The following DAPK1 variants were observed in gnomAD, a reference collection of about 807,000 sequenced individuals.
DAPK1 encodes the protein death associated protein kinase 1.
In DAPK1, 56 loss-of-function variants were observed where a neutral mutation model predicts 144.9. That is an observed-to-expected ratio of 0.39 (90% CI 0.31 to 0.48). DAPK1 has a LOEUF of 0.48. Among genes scored for constraint, DAPK1 ranks in the 20% least tolerant of loss-of-function variants. DAPK1 has a pLI of 0.95. For missense variants in DAPK1, 1,454 were observed against 1,875.4 expected, an observed-to-expected ratio of 0.78 and a Z score of 4.15; for synonymous variants, 690 against 749.0, an observed-to-expected ratio of 0.92 and a Z score of 1.29.
intron 2 of DAPK1, among the ~76,000 whole-genome samples, chr9:87,558,704 G>C (rs1826802841): frequency 6.6e-6 from 1 of 152,232 alleles, no homozygotes; most frequent in Admixed American, 6.5e-5. Context: ...CCTGTCTGCA[G>C]ACCCCTTCAT....
rs1433401275 is a variant in DAPK1, at chr9:87,707,303, A to G, written c.4232A>G (p.Tyr1411Cys). Residue 1411 changes from tyrosine (Y) to cysteine (C), a missense_variant, in exon 26 of 26, where the codon TAT becomes TGT. Around this residue, in one of 2 missense-constraint regions of DAPK1, gnomAD observed 1,025 missense variants for 1,237.9 expected, o/e 0.83. Transcript: ENST00000408954. The surrounding 1 kb of genome is among the most constrained non-coding windows in gnomAD (Gnocchi z 4.0). ...INLDGNGQEA[Y>C]ASSCNSGTSY... is the part of the protein sequence containing the mutation. ...CTGGATGGCAATGGCCAGGAGGCCT[A>G]TGCCTCGAGCTGCAACAGCGGCACC... is the stretch of plus-strand genomic sequence containing the variant. The G allele has an allele frequency of 7.4e-6, 12 of 1,612,306 alleles. No homozygotes were observed. The highest frequency in any genetic ancestry group is 1.1e-5 in the South Asian group (1 of 90,954).
At chr9:87,593,844 C>T (rs1012612642) in intron 2 of DAPK1, among the ~76,000 whole-genome samples, 7 of 152,174 alleles carry the variant, frequency 4.6e-5, no homozygotes, top group African/African-American at 1.7e-4. Context: ...AAGGGGATTA[C>T]ATGACAAAGT....
At chr9:87,596,940 T>C (rs773105432) in intron 2 of DAPK1, among the ~76,000 whole-genome samples, 15 of 152,258 alleles carry the variant, frequency 9.9e-5, no homozygotes, top group Non-Finnish European at 1.6e-4. Flanking sequence ...TGGCTGGACC[T>C]ATAGCCATCT....
At chr9:87,688,349 C>T (rs185229334) in intron 21 of DAPK1, among the ~76,000 whole-genome samples, 1 of 152,066 alleles carries the variant, frequency 6.6e-6, no homozygotes, top group Non-Finnish European at 1.5e-5. Context: ...CATTGATGGG[C>T]GCCTAGGTTG....
intron 2 of DAPK1, among the ~76,000 whole-genome samples, chr9:87,535,898 T>G (rs185705919): frequency 1.3e-4 from 20 of 152,330 alleles, no homozygotes; most frequent in Non-Finnish European, 2.5e-4. Context: ...GAGGATTACA[T>G]CTGGGTGCTT....
At position 87,686,188 on chromosome 9, in the gene DAPK1, G is replaced by A. The variant is rs546271503; in HGVS notation, c.2225-363G>A. On this transcript the variant is annotated intron_variant, in intron 20 of 25. Transcript: ENST00000408954. The surrounding 1 kb of genome is among the most constrained non-coding windows in gnomAD (Gnocchi z 4.2). Reference sequence around the variant, plus strand: ...ACTGCGAGTATCAGCAAAGTAGCAGGAAGTGAGAAGGGAAGAAACCCGACC... The same window carrying A: ...ACTGCGAGTATCAGCAAAGTAGCAGAAAGTGAGAAGGGAAGAAACCCGACC... Among the ~76,000 whole-genome samples the A allele has an allele frequency of 6.6e-6, 1 of 152,324 alleles. No individual in the cohort carries two copies. Among genetic ancestry groups the A allele is most frequent in the African/African-American group, 2.4e-5 (1 of 41,572 alleles).
chr9:87,551,861 G>A (rs1437906083), intron 2 of DAPK1, among the ~76,000 whole-genome samples: 1 of 152,180 alleles, frequency 6.6e-6, no homozygotes, highest in African/African-American at 2.4e-5. Context: ...CATCTCTGAG[G>A]GGCGGGCGCT....
intron 13 of DAPK1, 30 bp downstream of exon 13, chr9:87,646,589 AT>A (rs766466461): frequency 3.0e-5 from 47 of 1,546,884 alleles, no homozygotes; most frequent in Non-Finnish European, 1.6e-5. Context: ...AATGAATTGA[AT>A]TTTAAAGTAT....
At chr9:87,674,420 C>T (rs1284581635) in intron 19 of DAPK1, among the ~76,000 whole-genome samples, 7 of 145,872 alleles carry the variant, frequency 4.8e-5, no homozygotes, top group Admixed American at 2.8e-4. Flanking sequence ...GAGGCTGAGG[C>T]AGTAGAATCG....
At chr9:87,691,280 AGTT>A (rs753270168) in intron 21 of DAPK1, among the ~76,000 whole-genome samples, 27 of 152,026 alleles carry the variant, frequency 1.8e-4, no homozygotes, top group Non-Finnish European at 3.7e-4. Context: ...GTTAGCGTAT[AGTT>A]GTTCATAATA....
chr9:87,643,501 CT>C, intron 11 of DAPK1, 33 bp downstream of exon 11: 1 of 984,790 alleles, frequency 1.0e-6, no homozygotes, highest in Non-Finnish European at 1.5e-6. Flanking sequence ...GTGCTCCTTT[CT>C]TAGCACTGGG....
At chr9:87,643,055 C>T (rs1293160334) in intron 10 of DAPK1, among the ~76,000 whole-genome samples, 6 of 152,094 alleles carry the variant, frequency 3.9e-5, no homozygotes, top group Admixed American at 6.5e-5. Flanking sequence ...CTTCTCCAAA[C>T]AGCAGAGAAG....
intron 3 of DAPK1, among the ~76,000 whole-genome samples, chr9:87,630,651 G>A (rs1230969017): frequency 6.6e-6 from 1 of 152,194 alleles, no homozygotes; most frequent in Non-Finnish European, 1.5e-5. Flanking sequence ...TGGATTCGAG[G>A]AGCTGGGAAA....
chr9:87,548,032 A>G (rs1284943323), intron 2 of DAPK1, among the ~76,000 whole-genome samples: 1 of 152,210 alleles, frequency 6.6e-6, no homozygotes, highest in Non-Finnish European at 1.5e-5. Flanking sequence ...CGGCATGTAC[A>G]GGGCCGGGCA....
In DAPK1 at chr9:87,658,259, T is replaced by C; in HGVS notation, c.1923+132T>C. 6.6e-6 allele frequency: 4 copies of C among 602,340 alleles called. No homozygotes were observed. The South Asian group carries it at 7.9e-5, about 12-fold the overall frequency. The allele number at this position is 602,340 out of a possible 1,614,324, so 37.3% of individuals were successfully genotyped here. A position where few individuals can be genotyped will look rare whatever the true frequency, so the allele number is the denominator to read the frequency against. On this transcript the variant is annotated intron_variant, in intron 18 of 25. Coordinates refer to ENST00000408954, the MANE Select transcript of DAPK1 (RefSeq NM_004938.4). ...CAGGCTGCTGTTCAGCCATAGCTCC[T>C]CCACTGCGGTAACATAGACATTCGC... is the stretch of plus-strand genomic sequence containing the variant.
intron 2 of DAPK1, among the ~76,000 whole-genome samples, chr9:87,552,342 C>G (rs987089220): frequency 2.6e-5 from 4 of 152,132 alleles, no homozygotes; most frequent in Non-Finnish European, 4.4e-5. Context: ...GGAGGGATAT[C>G]TGCAGCTGGA....
intron 11 of DAPK1, 113 bp downstream of exon 11, chr9:87,643,581 C>A: frequency 1.4e-6 from 1 of 717,766 alleles, no homozygotes; most frequent in Non-Finnish European, 2.4e-6. Flanking sequence ...AAATGGCAAG[C>A]TTATTCTTGA....
At chr9:87,640,638 A>C (rs981469554) in intron 8 of DAPK1, among the ~76,000 whole-genome samples, 164 bp from the exon 9 acceptor site, 2 of 152,266 alleles carry the variant, frequency 1.3e-5, no homozygotes, top group Non-Finnish European at 2.9e-5. Context: ...CAGTCCCTGC[A>C]GGCACAGTGA....
At chr9:87,556,542 A>G (rs1399778211) in intron 2 of DAPK1, among the ~76,000 whole-genome samples, 3 of 152,082 alleles carry the variant, frequency 2.0e-5, no homozygotes, top group Middle Eastern at 3.4e-3. Flanking sequence ...CCATCATGCT[A>G]ATGTCAGGAG....
Sources: gnomAD v4.1 joint callset for allele counts (sites outside exome capture counted in the v4.1 genomes callset) on GRCh38, gnomAD v4.1.1 for gene constraint, gnomAD v4.1.1 regional missense constraint, Gnocchi (gnomAD v3.1) non-coding constraint, MANE v1.5 for transcripts, NCBI Gene and HGNC (gene_info 2026-07-23, HGNC 2026-07-21) for gene names.